The following RXRG variants were observed in gnomAD, a reference collection of about 807,000 sequenced individuals.
RXRG encodes the protein retinoic acid receptor RXR-gamma.
RXRG carries 19 observed loss-of-function variants against 49.2 expected under a neutral mutation model. That is an observed-to-expected ratio of 0.39 (90% CI 0.27 to 0.57). The LOEUF (loss-of-function observed/expected upper bound fraction) is 0.57, where lower values mean the gene tolerates loss of function less well. Ranked by LOEUF, RXRG falls within the 20% of genes least tolerant of loss-of-function variation. The probability of loss-of-function intolerance (pLI) is 0.64; values close to 1 mark genes in which losing one functional copy is unlikely to be tolerated. For missense variants in RXRG, 452 were observed against 592.5 expected, an observed-to-expected ratio of 0.76 and a Z score of 2.46; for synonymous variants, 224 against 216.6, an observed-to-expected ratio of 1.03 and a Z score of -0.30.
At chr1:165,431,359 A>G (rs1269909803) in intron 1 of RXRG, among the ~76,000 whole-genome samples, 2 of 152,210 alleles carry the variant, frequency 1.3e-5, no homozygotes, top group Non-Finnish European at 1.5e-5. Flanking sequence ...TCAGGTGGCC[A>G]CTCATTGGAA....
intron 1 of RXRG, among the ~76,000 whole-genome samples, chr1:165,436,039 G>T (rs1363772540): frequency 6.6e-6 from 1 of 152,166 alleles, no homozygotes; most frequent in East Asian, 1.9e-4. Context: ...TACCATTTCT[G>T]ATTGCTCTTC....
intron 4 of RXRG, among the ~76,000 whole-genome samples, chr1:165,415,120 G>T (rs1041001426): frequency 4.1e-4 from 62 of 152,220 alleles, no homozygotes; most frequent in African/African-American, 1.3e-3. Flanking sequence ...AATTTTAGAT[G>T]ATATAACCAG....
intron 1 of RXRG, among the ~76,000 whole-genome samples, chr1:165,429,991 C>A (rs1450356007): frequency 6.6e-6 from 1 of 152,136 alleles, no homozygotes; most frequent in Non-Finnish European, 1.5e-5. Flanking sequence ...GAAAACACCA[C>A]AGGGCACCCC....
At chr1:165,434,271 CATGTGTGT>C (rs1173216606) in intron 1 of RXRG, among the ~76,000 whole-genome samples, 4 of 120,714 alleles carry the variant, frequency 3.3e-5, no homozygotes, top group Admixed American at 1.6e-4. Flanking sequence ...CAATGAATTG[CATGTGTGT>C]ATGTGTGTGT....
At chr1:165,415,722 A>T (rs979764362) in intron 4 of RXRG, among the ~76,000 whole-genome samples, 2 of 152,188 alleles carry the variant, frequency 1.3e-5, no homozygotes, top group African/African-American at 4.8e-5. Flanking sequence ...AAAGGGGAAG[A>T]CTGTGTGAGG....
intron 1 of RXRG, among the ~76,000 whole-genome samples, chr1:165,433,967 G>A (rs2101741183): frequency 6.6e-6 from 1 of 152,312 alleles, no homozygotes; most frequent in South Asian, 2.1e-4. Flanking sequence ...CTTCAGGGAT[G>A]CAGGACTGAG....
At chr1:165,441,486 G>T (rs285482) in intron 1 of RXRG, among the ~76,000 whole-genome samples, 55,466 of 152,128 alleles carry the variant, frequency 0.36, 11,278 homozygotes, top group African/African-American at 0.55. Flanking sequence ...CTAGCTATAA[G>T]ACCTTAAGCA....
chr1:165,407,888 CCTTT>C (rs1383950492), intron 8 of RXRG, among the ~76,000 whole-genome samples: 1 of 152,032 alleles, frequency 6.6e-6, no homozygotes, highest in East Asian at 1.9e-4. Flanking sequence ...ATCTATAACT[CCTTT>C]CTTTCTTTCT....
chr1:165,428,177 G>A (rs574278737), intron 2 of RXRG, among the ~76,000 whole-genome samples: 1 of 152,238 alleles, frequency 6.6e-6, no homozygotes, highest in Non-Finnish European at 1.5e-5. Flanking sequence ...ATAGCAGAAG[G>A]CACTCGAAAT....
At chr1:165,408,204 C>A in intron 8 of RXRG, 23 bp downstream of exon 8, 1 of 1,580,092 alleles carries the variant, frequency 6.3e-7, no homozygotes, top group Non-Finnish European at 8.7e-7. Context: ...CACACACATC[C>A]CCTGGGGTTG....
chr1:165,429,232 G>A (rs568084638), intron 1 of RXRG, among the ~76,000 whole-genome samples: 1 of 152,250 alleles, frequency 6.6e-6, no homozygotes, highest in East Asian at 1.9e-4. Context: ...TCTGGACTAT[G>A]CTGGATCCAC....
intron 1 of RXRG, among the ~76,000 whole-genome samples, chr1:165,432,336 C>G (rs764305845): frequency 3.2e-4 from 48 of 152,094 alleles, no homozygotes; most frequent in Admixed American, 5.9e-4. Flanking sequence ...TATTTTATAA[C>G]TACATTTTAA....
intron 4 of RXRG, among the ~76,000 whole-genome samples, chr1:165,414,144 T>C (rs886881150): frequency 6.6e-6 from 1 of 152,176 alleles, no homozygotes; most frequent in Admixed American, 6.5e-5. Flanking sequence ...GATTCACTTC[T>C]TTGCCTTCCC....
chr1:165,429,487 A>G (rs187609628), intron 1 of RXRG, among the ~76,000 whole-genome samples: 2 of 152,348 alleles, frequency 1.3e-5, no homozygotes, highest in Admixed American at 1.3e-4. Context: ...TTCAGAGCAG[A>G]AGAGCACACA....
intron 9 of RXRG, among the ~76,000 whole-genome samples, chr1:165,404,183 T>C (rs1657671475): frequency 6.6e-6 from 1 of 152,190 alleles, no homozygotes; most frequent in Non-Finnish European, 1.5e-5. Context: ...CACACCCACA[T>C]GCCTGGCCAG....
intron 8 of RXRG, among the ~76,000 whole-genome samples, chr1:165,407,518 T>C (rs1657793998): frequency 6.6e-6 from 1 of 152,192 alleles, no homozygotes; most frequent in Admixed American, 6.5e-5. Flanking sequence ...CTTTTTTACC[T>C]GACCTCTAAA....
At chr1:165,405,562 G>A (rs1054927296) in intron 9 of RXRG, among the ~76,000 whole-genome samples, 4 of 152,200 alleles carry the variant, frequency 2.6e-5, no homozygotes, top group African/African-American at 9.7e-5. Context: ...TAGCCTCTCT[G>A]CCCCTCCACC....
At chr1:165,405,471 G>A (rs926480377) in intron 9 of RXRG, among the ~76,000 whole-genome samples, 6 of 152,222 alleles carry the variant, frequency 3.9e-5, no homozygotes, top group African/African-American at 1.2e-4. Flanking sequence ...TGGCCAGCTG[G>A]GCCACGTGAC....
At chr1:165,434,257 T>C (rs1658760814) in intron 1 of RXRG, among the ~76,000 whole-genome samples, 1 of 147,272 alleles carries the variant, frequency 6.8e-6, no homozygotes, top group Admixed American at 6.9e-5. Flanking sequence ...CCACAATCTC[T>C]AAACAATGAA....
Sources: gnomAD v4.1 joint callset for allele counts (sites outside exome capture counted in the v4.1 genomes callset) on GRCh38, gnomAD v4.1.1 for gene constraint, MANE v1.5 for transcripts, NCBI Gene and HGNC (gene_info 2026-07-23, HGNC 2026-07-21) for gene names.